Variants in TAF3 observed in about 807,000 individuals in gnomAD.
TAF3 encodes TATA-box binding protein associated factor 3.
In TAF3, 7 loss-of-function variants were observed where a neutral mutation model predicts 80.6. The ratio of observed to expected loss-of-function variants is 0.09; its 90% CI spans 0.05 to 0.16. The LOEUF is 0.16. Among genes scored for constraint, TAF3 ranks in the 10% least tolerant of loss-of-function variants. TAF3 has a pLI of 1.00. For synonymous variants in TAF3, 444 were observed against 446.1 expected (o/e 1.00, Z 0.06); for missense variants, 921 against 1,140.2 (o/e 0.81, Z 2.77).
rs1276132595 is a variant in TAF3, at chr10:7,865,945, G to A, written c.409+41385G>A. 2.6e-5 allele frequency among the ~76,000 whole-genome samples: 4 copies of A among 152,216 alleles called. No individual in the cohort carries two copies. The East Asian group carries it at 7.7e-4, about 29-fold the overall frequency. ...CCATACTTCATCCTCCCCATCGTGTGTAACAGACTGGAGCATGTGGTGCAC... is the reference window on the plus strand; with the variant it reads ...CCATACTTCATCCTCCCCATCGTGTATAACAGACTGGAGCATGTGGTGCAC... On this transcript the variant is annotated intron_variant, in intron 2 of 6. Transcript: ENST00000344293.
chr10:7,909,638 A>G (rs1016172764), intron 2 of TAF3, among the ~76,000 whole-genome samples: 5 of 152,250 alleles, frequency 3.3e-5, no homozygotes, highest in Non-Finnish European at 7.3e-5. Context: ...CTTGATAGCA[A>G]TGAATCCAGG....
chr10:7,882,716 A>G (rs529053183), intron 2 of TAF3, among the ~76,000 whole-genome samples: 2 of 152,308 alleles, frequency 1.3e-5, no homozygotes, highest in East Asian at 3.9e-4. Context: ...AAGCTTTGCA[A>G]AGTGATCACT....
rs903030685 is a variant in TAF3 at position 7,935,264 on chromosome 10, A to T, written c.410-28656A>T. ...TGCACTCCAGCCTGGGCAACAGCAA[A>T]ACTCTGTTTCTAAATAAATAAATAA... is the stretch of plus-strand genomic sequence containing the variant. On this transcript the variant is annotated intron_variant, in intron 2 of 6. Transcript: ENST00000344293. Among the ~76,000 whole-genome samples the T allele has an allele frequency of 1.1e-4, 15 of 131,868 alleles. No individual in the cohort carries two copies. In the Admixed American group the frequency reaches 1.2e-3, roughly 10 times the overall value. The allele number at this position is 131,868 out of a possible 152,430, so 86.5% of individuals were successfully genotyped here.
chr10:7,897,656 CTCTCTT>C (rs1451286211), intron 2 of TAF3, among the ~76,000 whole-genome samples: 7 of 151,468 alleles, frequency 4.6e-5, no homozygotes, highest in Non-Finnish European at 7.4e-5. Flanking sequence ...CTCTCTCTCT[CTCTCTT>C]TCTTTCTTTC....
At position 7,860,024 on chromosome 10, in the gene TAF3, A is replaced by G. The variant is rs148343012; in HGVS notation, c.409+35464A>G. Among the ~76,000 whole-genome samples, 851 of 152,296 alleles carry G rather than the reference A, an allele frequency of 5.6e-3. 2 individuals carry two copies. Among genetic ancestry groups the G allele is most frequent in the Non-Finnish European group, 8.6e-3 (582 of 68,018 alleles). ...GGTGGCTCATGCCTGTAATCCCAGCAGTTTGGGAGGCCAAGGTGGGCAGAT... is the reference window on the plus strand; with the variant it reads ...GGTGGCTCATGCCTGTAATCCCAGCGGTTTGGGAGGCCAAGGTGGGCAGAT... On this transcript the variant is annotated intron_variant, in intron 2 of 6. Transcript: ENST00000344293.
At chr10:7,843,646 CTT>C (rs34180336) in intron 2 of TAF3, among the ~76,000 whole-genome samples, 12 of 142,498 alleles carry the variant, frequency 8.4e-5, no homozygotes, top group African/African-American at 2.1e-4. Context: ...CTTTCTCACT[CTT>C]TTTTTTTTTT....
intron 2 of TAF3, among the ~76,000 whole-genome samples, chr10:7,948,141 C>A (rs527563024): frequency 2.0e-5 from 3 of 151,558 alleles, no homozygotes; most frequent in Non-Finnish European, 2.9e-5. Context: ...TAGTTCACTG[C>A]GACCTCGAAC....
At position 8,013,750 on chromosome 10, in the gene TAF3, A is replaced by G. The variant is rs1832077399; in HGVS notation, c.2588A>G (p.Asn863Ser). 6.2e-7 allele frequency: 1 copy of G among 1,614,094 alleles called. No individual in the cohort carries two copies. The highest frequency in any genetic ancestry group is 8.5e-7 in the Non-Finnish European group (1 of 1,179,994). The change falls in exon 6 of 7, where the codon AAT becomes AGT. Residue 863 changes from asparagine to serine, a missense_variant. Coordinates refer to ENST00000344293, the MANE Select transcript of TAF3 (RefSeq NM_031923.4). ...CATCAGATCCGAGATGAGTGGGGCA[A>G]TCAGATCTGGATCTGCCCTGGGTGT... is the stretch of plus-strand genomic sequence containing the variant. ...STYVIRDEWG[N>S]QIWICPGCNK...
intron 4 of TAF3, among the ~76,000 whole-genome samples, chr10:7,983,242 A>G (rs1350507706): frequency 6.6e-6 from 1 of 152,172 alleles, no homozygotes; most frequent in Non-Finnish European, 1.5e-5. Context: ...TCGCTTCAGC[A>G]GCCCCTGTGG....
rs139295331 is a variant in TAF3 at position 7,967,037 on chromosome 10, C to T, written c.2232+1295C>T. ...AGATCCATACACCTTGTTTTCTCCT[C>T]CTAACACACCTGTGACATAGGTCCA... On this transcript the variant is annotated intron_variant, in intron 3 of 6. Transcript: ENST00000344293. 1.4e-3 allele frequency among the ~76,000 whole-genome samples: 219 copies of T among 152,296 alleles called. 2 individuals carry two copies. Among genetic ancestry groups the T allele is most frequent in the African/African-American group, 5.1e-3 (213 of 41,570 alleles).
chr10:7,900,055 A>T (rs961780709), intron 2 of TAF3, among the ~76,000 whole-genome samples: 2 of 152,162 alleles, frequency 1.3e-5, no homozygotes, highest in Non-Finnish European at 2.9e-5. Context: ...CATGTCTGTT[A>T]AAATATATTG....
intron 2 of TAF3, among the ~76,000 whole-genome samples, chr10:7,931,222 A>C (rs959504538): frequency 3.9e-5 from 6 of 152,178 alleles, no homozygotes; most frequent in African/African-American, 9.7e-5. Flanking sequence ...ACTCAGAGTC[A>C]GTTTTGTTAT....
At chr10:7,865,698 G>A (rs769366221) in intron 2 of TAF3, among the ~76,000 whole-genome samples, 41 of 152,146 alleles carry the variant, frequency 2.7e-4, no homozygotes, top group Admixed American at 9.2e-4. Context: ...CACAGGCAGG[G>A]GTGAAGGAAA....
chr10:7,958,672 G>GCCC (rs1838159870), intron 2 of TAF3, among the ~76,000 whole-genome samples: 1 of 152,130 alleles, frequency 6.6e-6, no homozygotes, highest in African/African-American at 2.4e-5. Context: ...GATTGGGAGG[G>GCCC]CCCTGCTCAT....
chr10:7,883,375 C>T (rs1362252323), intron 2 of TAF3, among the ~76,000 whole-genome samples: 1 of 152,170 alleles, frequency 6.6e-6, no homozygotes, highest in Non-Finnish European at 1.5e-5. Flanking sequence ...TCAGAAATAC[C>T]GTAGACGGTG....
chr10:7,818,928 C>A lies in TAF3; in HGVS notation c.166+53C>A, dbSNP rs1378779946. 5 of 1,347,936 alleles carry A rather than the reference C, an allele frequency of 3.7e-6. No individual in the cohort carries two copies. The African/African-American group carries it at 6.1e-5, about 17-fold the overall frequency. 83.5% of individuals were successfully genotyped at this position (1,347,936 alleles called of 1,614,324 possible). A position where few individuals can be genotyped will look rare whatever the true frequency, so the allele number is the denominator to read the frequency against. On this transcript the variant is annotated intron_variant, in intron 1 of 6. Transcript: ENST00000344293. ...CTGCCCCGGCAAGTCAAGGGTGACA[C>A]CTTCGCTCTCCCTGTCCCTCCGCGT...
At chr10:8,007,614 TTTTTTTTTAATAAAGAAG>T (rs1832009731) in intron 4 of TAF3, among the ~76,000 whole-genome samples, 1 of 117,206 alleles carries the variant, frequency 8.5e-6, no homozygotes, top group South Asian at 2.7e-4. Flanking sequence ...ATATATACCT[TTTTTTTTTAATAAAGAAG>T]CTTAAAAACA....
chr10:7,835,059 A>T (rs1836838233), intron 2 of TAF3, among the ~76,000 whole-genome samples: 1 of 152,130 alleles, frequency 6.6e-6, no homozygotes, highest in African/African-American at 2.4e-5. Flanking sequence ...TTTGCTATTT[A>T]GTCTTCTCTT....
At chr10:7,979,429 C>T (rs1344343485) in intron 4 of TAF3, among the ~76,000 whole-genome samples, 2 of 151,158 alleles carry the variant, frequency 1.3e-5, no homozygotes, top group Non-Finnish European at 2.9e-5. Context: ...TTCAGTCATT[C>T]TGTTGATTAT....
Sources: gnomAD v4.1 joint callset for allele counts (sites outside exome capture counted in the v4.1 genomes callset) on GRCh38, gnomAD v4.1.1 for gene constraint, MANE v1.5 for transcripts, NCBI Gene and HGNC (gene_info 2026-07-23, HGNC 2026-07-21) for gene names.